CHAF1B: variants seen among roughly 807,000 people sequenced by gnomAD.
CHAF1B encodes the protein CAF-1 subunit B.
Under a neutral mutation model 60.7 loss-of-function variants are expected in CHAF1B, and 10 were observed. The observed-to-expected ratio is 0.16, with a 90% confidence interval of 0.10 to 0.28. CHAF1B has a LOEUF of 0.28. Among genes scored for constraint, CHAF1B ranks in the 10% least tolerant of loss-of-function variants. The probability of loss-of-function intolerance (pLI) is 1.00; values close to 1 mark genes in which losing one functional copy is unlikely to be tolerated. For synonymous variants in CHAF1B, 261 were observed against 266.1 expected, an observed-to-expected ratio of 0.98 and a Z score of 0.19; for missense variants, 558 against 708.4, an observed-to-expected ratio of 0.79 and a Z score of 2.41.
At chr21:36,413,398 A>T in intron 12 of CHAF1B, 83 bp downstream of exon 12, 1 of 1,339,792 alleles carries the variant, frequency 7.5e-7, no homozygotes, top group Non-Finnish European at 1.0e-6. Flanking sequence ...TGCAGGTGAA[A>T]TTTCAGGCGG....
chr21:36,388,298 AAGACG>A (rs1197050766), intron 3 of CHAF1B, among the ~76,000 whole-genome samples: 20 of 152,150 alleles, frequency 1.3e-4, no homozygotes, highest in African/African-American at 3.9e-4. Flanking sequence ...AGGCTGTTCT[AAGACG>A]AGATGGAAAG....
chr21:36,397,784 A>C lies in CHAF1B; in HGVS notation c.578+273A>C, dbSNP rs138871427. 1.4e-3 allele frequency: 257 copies of C among 185,696 alleles called. 1 individual carries two copies. The highest frequency in any genetic ancestry group is 2.4e-3 in the Non-Finnish European group (219 of 92,516). 11.5% of individuals were successfully genotyped at this position (185,696 alleles called of 1,614,324 possible). A position where few individuals can be genotyped will look rare whatever the true frequency, so the allele number is the denominator to read the frequency against. ...TCACCCAGGCAGGTGTTGTGGCGCA[A>C]TCTCACAATCTCAGCTCACTGCAAC... On this transcript the variant is annotated intron_variant, in intron 6 of 13. Coordinates refer to ENST00000314103, the MANE Select transcript of CHAF1B (RefSeq NM_005441.3).
intron 5 of CHAF1B, among the ~76,000 whole-genome samples, chr21:36,395,098 T>C (rs2086126483): frequency 6.6e-6 from 1 of 151,986 alleles, no homozygotes. Context: ...TTGTCCAGGT[T>C]GGAGTGCAAT....
chr21:36,396,664 G>A lies in CHAF1B; in HGVS notation c.482-751G>A, dbSNP rs1906485. Among the ~76,000 whole-genome samples, 1,216 of 136,410 alleles carry A rather than the reference G, an allele frequency of 8.9e-3. 16 individuals carry two copies. The highest frequency in any genetic ancestry group is 0.032 in the African/African-American group (1,137 of 36,064). 89.5% of individuals were successfully genotyped at this position (136,410 alleles called of 152,430 possible). On this transcript the variant is annotated intron_variant, in intron 5 of 13. Coordinates refer to ENST00000314103, the MANE Select transcript of CHAF1B (RefSeq NM_005441.3). ...ACCACACCCTGTCTCAAAAAAAAAA[G>A]AAAAAAAAAAAGGAATGGCCAAGGC...
intron 8 of CHAF1B, among the ~76,000 whole-genome samples, chr21:36,406,283 A>G (rs1238166744): frequency 6.6e-6 from 1 of 152,144 alleles, no homozygotes; most frequent in African/African-American, 2.4e-5. Flanking sequence ...AGATTGGACA[A>G]AGACCTATTC....
intron 4 of CHAF1B, among the ~76,000 whole-genome samples, 193 bp from the exon 5 acceptor site, chr21:36,394,354 C>T (rs948147383): frequency 7.9e-5 from 12 of 152,126 alleles, no homozygotes; most frequent in East Asian, 5.8e-4. Flanking sequence ...GGATTACAGG[C>T]GTGAGCCACA....
Position 36,408,790 on chromosome 21 carries a change from A to G in CHAF1B, c.787A>G (p.Met263Val), listed in dbSNP as rs759313703. The part of the protein sequence containing the change: ...AGCVESGENV[M>V]NTTYVFSRKN... ...ATGTGTGGAATCTGGTGAAAATGTA[A>G]TGAATACCACTTATGTTTTCTCCAG... The change falls in exon 9 of 14, where the codon ATG becomes GTG. Residue 263 changes from methionine (M) to valine (V), a missense_variant. Met to Val is a conservative substitution (Grantham distance 21). This residue lies in a region of CHAF1B where 325 missense variants were observed against 493.5 expected (regional missense o/e 0.66). Transcript: ENST00000314103. 3.1e-6 allele frequency: 5 copies of G among 1,610,520 alleles called. No homozygotes were observed. Among genetic ancestry groups the G allele is most frequent in the South Asian group, 1.1e-5 (1 of 90,970 alleles).
At position 36,395,930 on chromosome 21, in the gene CHAF1B, A is replaced by G. The variant is rs1486309558; in HGVS notation, c.481+1280A>G. Among the ~76,000 whole-genome samples, 4 of 151,548 alleles carry G rather than the reference A, an allele frequency of 2.6e-5. No homozygotes were observed. The South Asian group carries it at 8.3e-4, about 32-fold the overall frequency. On this transcript the variant is annotated intron_variant, in intron 5 of 13. Coordinates refer to ENST00000314103, the MANE Select transcript of CHAF1B (RefSeq NM_005441.3). Reference sequence around the variant, plus strand: ...CCCAGTTCTCATCCAGTCTATAAAAATTTTTGCTCTTTTTAGTACCATGCT... The same window carrying G: ...CCCAGTTCTCATCCAGTCTATAAAAGTTTTTGCTCTTTTTAGTACCATGCT...
intron 1 of CHAF1B, among the ~76,000 whole-genome samples, chr21:36,385,679 T>C (rs1337277327): frequency 1.3e-5 from 2 of 151,594 alleles, no homozygotes; most frequent in Admixed American, 6.6e-5. Context: ...GGGGTTCTCC[T>C]CTCGCCCCGC....
Position 36,416,390 on chromosome 21 carries a change from GC to G in CHAF1B, c.*26del. The G allele has an allele frequency of 6.3e-7, 1 of 1,598,752 alleles. No homozygotes were observed. The highest frequency in any genetic ancestry group is 8.6e-7 in the Non-Finnish European group (1 of 1,169,174). ...GATGGGACCTCGGCTTCTGCTCGAA[GC>G]CTACCAGGCTCCCGGTGTGTGCAGG... On this transcript the variant is annotated 3_prime_UTR_variant, in exon 14 of 14. Transcript: ENST00000314103.
At chr21:36,393,337 C>T (rs1037952387) in intron 4 of CHAF1B, among the ~76,000 whole-genome samples, 4 of 151,550 alleles carry the variant, frequency 2.6e-5, no homozygotes, top group African/African-American at 9.7e-5. Context: ...ATGAAACAGT[C>T]CTAAGACAAT....
intron 6 of CHAF1B, chr21:36,397,719 C>CTTTTTTT: frequency 7.5e-6 from 1 of 133,382 alleles, no homozygotes. Context: ...CTTAGTAAAT[C>CTTTTTTT]TTTTTTTTTT....
chr21:36,391,513 G>A, intron 3 of CHAF1B, 38 bp from the exon 4 acceptor site: 3 of 1,230,624 alleles, frequency 2.4e-6, no homozygotes, highest in Non-Finnish European at 3.6e-6. Context: ...AAGGAGTGTG[G>A]GTGAAGCGTG....
chr21:36,409,907 T>G (rs1020304109), intron 10 of CHAF1B, among the ~76,000 whole-genome samples: 1 of 151,972 alleles, frequency 6.6e-6, no homozygotes, highest in African/African-American at 2.4e-5. Flanking sequence ...TAAGGCACTT[T>G]AAAAGGAATG....
At chr21:36,414,367 A>C (rs1023180260) in intron 12 of CHAF1B, among the ~76,000 whole-genome samples, 2 of 152,122 alleles carry the variant, frequency 1.3e-5, no homozygotes, top group African/African-American at 4.8e-5. Flanking sequence ...GCAAGTTCAT[A>C]ATATGTGTAT....
chr21:36,411,002 C>T (rs958972841), intron 10 of CHAF1B, among the ~76,000 whole-genome samples: 2 of 151,886 alleles, frequency 1.3e-5, no homozygotes, highest in Non-Finnish European at 2.9e-5. Context: ...TTTTTTTCTC[C>T]TCATTGTGGG....
intron 2 of CHAF1B, among the ~76,000 whole-genome samples, chr21:36,386,830 C>T (rs1402834096): frequency 6.6e-6 from 1 of 151,928 alleles, no homozygotes; most frequent in Non-Finnish European, 1.5e-5. Flanking sequence ...TCTCCTGCCT[C>T]AGCCTCCCAA....
At chr21:36,406,014 C>T (rs1441476139) in intron 8 of CHAF1B, among the ~76,000 whole-genome samples, 1 of 151,624 alleles carries the variant, frequency 6.6e-6, no homozygotes, top group African/African-American at 2.4e-5. Context: ...TCAGAAGATC[C>T]TATAACACTA....
intron 8 of CHAF1B, among the ~76,000 whole-genome samples, chr21:36,407,919 A>T (rs1473623921): frequency 6.6e-6 from 1 of 152,040 alleles, no homozygotes; most frequent in Non-Finnish European, 1.5e-5. Flanking sequence ...TGGAGGTTGC[A>T]GTGAGCCAAG....
Sources: gnomAD v4.1 joint callset for allele counts (sites outside exome capture counted in the v4.1 genomes callset) on GRCh38, gnomAD v4.1.1 for gene constraint, gnomAD v4.1.1 regional missense constraint, MANE v1.5 for transcripts, NCBI Gene and HGNC (gene_info 2026-07-23, HGNC 2026-07-21) for gene names.